The following MAP4 variants were observed in gnomAD, a reference collection of about 807,000 sequenced individuals.
The protein encoded by MAP4 is microtubule-associated protein 4.
A neutral mutation model predicts 170.2 loss-of-function variants in MAP4; 76 were observed. That is an observed-to-expected ratio of 0.45 (90% CI 0.37 to 0.54). The LOEUF (loss-of-function observed/expected upper bound fraction) is 0.54, where lower values mean the gene tolerates loss of function less well. Ranked by LOEUF, MAP4 falls within the 20% of genes least tolerant of loss-of-function variation. The pLI is 0.00. For synonymous variants in MAP4, 909 were observed against 994.5 expected, an observed-to-expected ratio of 0.91 and a Z score of 1.62; for missense variants, 2,506 against 2,748.0, an observed-to-expected ratio of 0.91 and a Z score of 1.97.
chr3:48,070,461 CTTCT>C (rs2100140390), intron 1 of MAP4, among the ~76,000 whole-genome samples: 1 of 151,394 alleles, frequency 6.6e-6, no homozygotes, highest in South Asian at 2.1e-4. Context: ...GTAATTTCAT[CTTCT>C]TTATCTGTTC....
chr3:48,054,945 T>G (rs2100129956), intron 1 of MAP4, among the ~76,000 whole-genome samples: 1 of 152,080 alleles, frequency 6.6e-6, no homozygotes, highest in Admixed American at 6.6e-5. Flanking sequence ...AAGAAAATAC[T>G]GTGGTTTAAA....
At chr3:47,932,409 GA>G (rs1033745346) in intron 3 of MAP4, among the ~76,000 whole-genome samples, 15 of 152,218 alleles carry the variant, frequency 9.9e-5, no homozygotes, top group African/African-American at 3.4e-4. Context: ...GTTTTTGTGG[GA>G]ACGTGTTTCA....
chr3:48,054,685 G>T (rs894465962), intron 1 of MAP4, among the ~76,000 whole-genome samples: 1 of 139,684 alleles, frequency 7.2e-6, no homozygotes, highest in Admixed American at 7.4e-5. Context: ...GCGGGCTCCT[G>T]TAATCCCAGC....
chr3:48,045,407 C>A (rs920875510), intron 1 of MAP4, among the ~76,000 whole-genome samples: 1 of 152,130 alleles, frequency 6.6e-6, no homozygotes, highest in African/African-American at 2.4e-5. Context: ...CCTCCTGTCA[C>A]ATCAGTCGTG....
At position 47,871,047 on chromosome 3, in the gene MAP4, G is replaced by C. The variant is rs1045133726; in HGVS notation, c.6060C>G (p.Leu2020=). Residue 2020 remains leucine, a synonymous_variant, in exon 15 of 21, where the codon CTC becomes CTG. Transcript: ENST00000683076. ...CCCCTGCAGCGGGGGCTGTCCCACT[G>C]AGAGTGGTGGTTTTCTTCATGGAAC... is the stretch of plus-strand genomic sequence containing the variant. The part of the protein sequence containing the change: ...STSSMKKTTT[L]SGTAPAAGVV... The C allele has an allele frequency of 6.2e-7, 1 of 1,612,874 alleles. No homozygotes were observed. Among genetic ancestry groups the C allele is most frequent in the Non-Finnish European group, 8.5e-7 (1 of 1,179,148 alleles).
intron 10 of MAP4, among the ~76,000 whole-genome samples, chr3:47,899,722 T>C (rs1180113934): frequency 6.6e-6 from 1 of 152,244 alleles, no homozygotes; most frequent in Non-Finnish European, 1.5e-5. Context: ...TTACACTGCA[T>C]CTGCATCATT....
At chr3:48,083,562 T>G (rs1216629063) in intron 1 of MAP4, among the ~76,000 whole-genome samples, 1 of 151,124 alleles carries the variant, frequency 6.6e-6, no homozygotes, top group East Asian at 2.0e-4. Flanking sequence ...GACGGGGTTT[T>G]TACCATGTTG....
intron 1 of MAP4, among the ~76,000 whole-genome samples, chr3:48,069,781 G>T (rs762002314): frequency 1.3e-4 from 20 of 152,120 alleles, no homozygotes; most frequent in Non-Finnish European, 2.4e-4. Context: ...TGCTAAAATG[G>T]AACATACTAA....
chr3:48,057,614 T>TAAAA (rs1358924827), intron 1 of MAP4, among the ~76,000 whole-genome samples: 11 of 77,904 alleles, frequency 1.4e-4, no homozygotes, highest in Middle Eastern at 7.0e-3. Flanking sequence ...AATAAAAAAA[T>TAAAA]AAATAAATAA....
At chr3:48,003,814 A>T (rs1003038826) in intron 1 of MAP4, among the ~76,000 whole-genome samples, 3 of 152,178 alleles carry the variant, frequency 2.0e-5, no homozygotes, top group Non-Finnish European at 4.4e-5. Context: ...GAAGGCAGAC[A>T]CACCCTTAAT....
intron 1 of MAP4, among the ~76,000 whole-genome samples, chr3:48,028,266 T>C (rs1559817529): frequency 6.6e-6 from 1 of 152,056 alleles, no homozygotes; most frequent in Non-Finnish European, 1.5e-5. Flanking sequence ...TACTCTAGCA[T>C]GGGCAACAAA....
intron 17 of MAP4, among the ~76,000 whole-genome samples, chr3:47,859,463 C>A (rs1204915583): frequency 6.6e-6 from 1 of 152,210 alleles, no homozygotes. Context: ...AGAATAACTA[C>A]CCACAATCCC....
rs547176106 is a variant in MAP4, at chr3:48,059,979, A to C, written c.-20+28794T>G. 3.7e-3 allele frequency among the ~76,000 whole-genome samples: 561 copies of C among 152,056 alleles called. 3 individuals carry two copies. The highest frequency in any genetic ancestry group is 9.6e-3 in the African/African-American group (398 of 41,490). ...CAGAGTGAGACTCTGTCTCAAAAAA[A>C]AAAAAAAACTTTTGAACATCTCTCT... On this transcript the variant is annotated intron_variant, in intron 1 of 18. Coordinates refer to the MAP4 transcript ENST00000360240.
At chr3:48,087,156 T>C (rs1452713026) in intron 1 of MAP4, among the ~76,000 whole-genome samples, 1 of 152,224 alleles carries the variant, frequency 6.6e-6, no homozygotes, top group Non-Finnish European at 1.5e-5. Flanking sequence ...ATTTGAAAAG[T>C]AGTAGTACGG....
chr3:47,980,686 C>A (rs920217051), intron 2 of MAP4, among the ~76,000 whole-genome samples: 4 of 152,156 alleles, frequency 2.6e-5, no homozygotes, highest in African/African-American at 9.7e-5. Flanking sequence ...CCTGCTAAGT[C>A]TTCACAAACT....
At position 47,855,214 on chromosome 3, in the gene MAP4, C is replaced by T. The variant is rs1576590834; in HGVS notation, c.6696+34G>A. 3.3e-6 allele frequency: 5 copies of T among 1,494,802 alleles called. No homozygotes were observed. In the East Asian group the frequency reaches 1.1e-4, roughly 34 times the overall value. The allele number at this position is 1,494,802 out of a possible 1,614,324, so 92.6% of individuals were successfully genotyped here. On this transcript the variant is annotated intron_variant, in intron 19 of 20. Coordinates refer to ENST00000683076, the MANE Select transcript of MAP4 (RefSeq NM_001385682.1). This position sits in a 1 kb window ranked among gnomAD's most constrained non-coding sequence, Gnocchi z 5.1. ...CCTAACTGCATAGTTCCCACCCCTC[C>T]CCAGCTGTGTCTCCCCAGTGACCCA... is the stretch of plus-strand genomic sequence containing the variant.
chr3:47,853,578 C>T (rs1015645931), intron 19 of MAP4, among the ~76,000 whole-genome samples: 3 of 150,836 alleles, frequency 2.0e-5, no homozygotes, highest in African/African-American at 7.3e-5. Context: ...ACCAGTGACA[C>T]ACTCTCAGAG....
chr3:47,891,578 G>C (rs1339334812), intron 10 of MAP4: 6 of 1,533,914 alleles, frequency 3.9e-6, no homozygotes, highest in Non-Finnish European at 5.2e-6. Context: ...TGAGAGGTGA[G>C]AACATTCAGA....
At chr3:47,912,868 A>T (rs2100036667) in intron 8 of MAP4, among the ~76,000 whole-genome samples, 1 of 152,184 alleles carries the variant, frequency 6.6e-6, no homozygotes, top group Non-Finnish European at 1.5e-5. Flanking sequence ...CAAAATTTAT[A>T]ATTCTAAGAC....
Sources: allele counts gnomAD v4.1 joint callset (sites outside exome capture counted in the v4.1 genomes callset), GRCh38; gene constraint gnomAD v4.1.1; non-coding constraint Gnocchi (gnomAD v3.1); transcripts MANE v1.5; gene names NCBI Gene and HGNC (gene_info 2026-07-23, HGNC 2026-07-21).